MEIS2: variants seen among roughly 807,000 people sequenced by gnomAD.
MEIS2 encodes the protein homeobox protein Meis2.
A neutral mutation model predicts 58.6 loss-of-function variants in MEIS2; 9 were observed. The ratio of observed to expected loss-of-function variants is 0.15; its 90% CI spans 0.09 to 0.27. The LOEUF is 0.27. Among genes scored for constraint, MEIS2 ranks in the 10% least tolerant of loss-of-function variants. The pLI is 1.00. For missense variants in MEIS2, 427 were observed against 635.0 expected, an observed-to-expected ratio of 0.67 and a Z score of 3.52; for synonymous variants, 221 against 228.4, an observed-to-expected ratio of 0.97 and a Z score of 0.29.
intron 7 of MEIS2, among the ~76,000 whole-genome samples, chr15:37,043,213 T>C (rs2062507655): frequency 6.6e-6 from 1 of 152,214 alleles, no homozygotes; most frequent in Non-Finnish European, 1.5e-5. Context: ...GGTTTAATAG[T>C]TAAATATGTT....
intron 7 of MEIS2, among the ~76,000 whole-genome samples, chr15:37,040,156 GA>G (rs1449575701): frequency 1.3e-5 from 2 of 151,774 alleles, no homozygotes; most frequent in Non-Finnish European, 2.9e-5. Context: ...TTTATGTGCT[GA>G]AAAAGGTATG....
At chr15:37,021,796 G>A (rs865983052) in intron 8 of MEIS2, among the ~76,000 whole-genome samples, 1 of 152,008 alleles carries the variant, frequency 6.6e-6, no homozygotes, top group Non-Finnish European at 1.5e-5. Flanking sequence ...ATGTCACCTA[G>A]ATCTCCCTAC....
chr15:36,929,339 A>G (rs988202269), intron 9 of MEIS2, among the ~76,000 whole-genome samples: 1 of 152,216 alleles, frequency 6.6e-6, no homozygotes, highest in Admixed American at 6.5e-5. Context: ...AGCTCTGGCC[A>G]AGGCAGTCTG....
intron 9 of MEIS2, among the ~76,000 whole-genome samples, chr15:36,910,726 G>T (rs1480153492): frequency 6.6e-6 from 1 of 152,064 alleles, no homozygotes; most frequent in African/African-American, 2.4e-5. Flanking sequence ...CCTAAAATGT[G>T]CTGTGGCTGA....
intron 8 of MEIS2, 156 bp downstream of exon 8, chr15:37,036,658 T>C (rs1670292722): frequency 4.0e-6 from 3 of 754,208 alleles, no homozygotes; most frequent in Admixed American, 3.3e-5. Flanking sequence ...ATGGTAATAG[T>C]TGATGAAAAA....
At chr15:37,066,252 A>G (rs1294899056) in intron 7 of MEIS2, 1 of 152,222 alleles carries the variant, frequency 6.6e-6, no homozygotes, top group African/African-American at 2.4e-5. Context: ...TTGAAGAAAT[A>G]AAAATAAAGG....
chr15:36,989,007 C>T (rs2060184211), intron 8 of MEIS2, among the ~76,000 whole-genome samples: 1 of 152,172 alleles, frequency 6.6e-6, no homozygotes, highest in South Asian at 2.1e-4. Context: ...TGAGATCCAC[C>T]AGTGATTACA....
intron 9 of MEIS2, among the ~76,000 whole-genome samples, chr15:36,914,416 G>A (rs759182252): frequency 1.3e-5 from 2 of 152,228 alleles, no homozygotes; most frequent in Admixed American, 6.5e-5. Flanking sequence ...TAATTGCTAC[G>A]TGAAAGATTA....
chr15:37,041,779 A>G (rs1449773792), intron 7 of MEIS2, among the ~76,000 whole-genome samples: 1 of 152,170 alleles, frequency 6.6e-6, no homozygotes, highest in Non-Finnish European at 1.5e-5. Flanking sequence ...ATAGTTAAAT[A>G]TGTTCATACA....
chr15:36,978,348 C>T (rs530712303), intron 8 of MEIS2, among the ~76,000 whole-genome samples: 4 of 152,328 alleles, frequency 2.6e-5, no homozygotes, highest in African/African-American at 9.6e-5. Context: ...AAATGACCTG[C>T]CTGAGGTAAC....
At chr15:36,998,955 C>T (rs1257098836) in intron 8 of MEIS2, among the ~76,000 whole-genome samples, 1 of 152,216 alleles carries the variant, frequency 6.6e-6, no homozygotes, top group Non-Finnish European at 1.5e-5. Context: ...TCTTGCCATT[C>T]TTCTGTGCTC....
intron 8 of MEIS2, among the ~76,000 whole-genome samples, chr15:37,002,328 C>T: frequency 6.7e-6 from 1 of 149,950 alleles, no homozygotes; most frequent in South Asian, 2.1e-4. Flanking sequence ...CTTAAAACAT[C>T]TACTAATTTC....
At position 37,016,074 on chromosome 15, in the gene MEIS2, A is replaced by G. The variant is rs544207469; in HGVS notation, c.900+20740T>C. The stretch of plus-strand genomic sequence containing the variant: ...TTGATCCAGGAAAAAACAAATTTTG[A>G]TTTTATTTGGAGAAAAATGAAACGT... On this transcript the variant is annotated intron_variant, in intron 8 of 11. Coordinates refer to ENST00000561208, the MANE Select transcript of MEIS2 (RefSeq NM_170675.5). 2.6e-5 allele frequency among the ~76,000 whole-genome samples: 4 copies of G among 152,164 alleles called. No individual in the cohort carries two copies. The East Asian group carries it at 7.7e-4, about 29-fold the overall frequency.
At chr15:36,966,457 A>G (rs983839799) in intron 8 of MEIS2, among the ~76,000 whole-genome samples, 5 of 152,196 alleles carry the variant, frequency 3.3e-5, no homozygotes, top group African/African-American at 1.2e-4. Flanking sequence ...GGGCTTTGGA[A>G]TCAGACGGTC....
intron 8 of MEIS2, among the ~76,000 whole-genome samples, chr15:37,003,364 A>C (rs1475097230): frequency 1.4e-5 from 2 of 144,008 alleles, no homozygotes; most frequent in Admixed American, 1.4e-4. Context: ...ACAACAACAA[A>C]AACACCACTG....
chr15:37,074,265 A>G (rs904865753), intron 7 of MEIS2, among the ~76,000 whole-genome samples: 1 of 152,020 alleles, frequency 6.6e-6, no homozygotes, highest in African/African-American at 2.4e-5. Context: ...GTGGCATTCC[A>G]CTATCCTCAG....
At chr15:36,933,640 A>T (rs2058061798) in intron 9 of MEIS2, among the ~76,000 whole-genome samples, 1 of 152,018 alleles carries the variant, frequency 6.6e-6, no homozygotes, top group African/African-American at 2.4e-5. Flanking sequence ...GGAGACACAG[A>T]TTTTTAACTT....
intron 9 of MEIS2, among the ~76,000 whole-genome samples, chr15:36,938,048 T>A (rs16964366): frequency 0.078 from 11,933 of 152,216 alleles, 550 homozygotes; most frequent in South Asian, 0.27. Context: ...TTAAACGATG[T>A]TTGAAATTTG....
intron 7 of MEIS2, among the ~76,000 whole-genome samples, chr15:37,063,518 A>T (rs1285936138): frequency 6.6e-6 from 1 of 152,208 alleles, no homozygotes; most frequent in Non-Finnish European, 1.5e-5. Flanking sequence ...AAAAACCCAC[A>T]CAAGCTTATG....
Sources: gnomAD v4.1 joint callset for allele counts (sites outside exome capture counted in the v4.1 genomes callset) on GRCh38, gnomAD v4.1.1 for gene constraint, MANE v1.5 for transcripts, NCBI Gene and HGNC (gene_info 2026-07-23, HGNC 2026-07-21) for gene names.